The following GOLM2 variants were observed in gnomAD, a reference collection of about 807,000 sequenced individuals.
GOLM2 encodes the protein protein GOLM2.
GOLM2 carries 26 observed loss-of-function variants against 55.9 expected under a neutral mutation model. That is an observed-to-expected ratio of 0.47 (90% CI 0.34 to 0.65). The LOEUF (loss-of-function observed/expected upper bound fraction) is 0.65, where lower values mean the gene tolerates loss of function less well. GOLM2 is among the 30% of genes least tolerant of loss of function. GOLM2 has a pLI of 0.01. For missense variants in GOLM2, 486 were observed against 531.8 expected, an observed-to-expected ratio of 0.91 and a Z score of 0.85; for synonymous variants, 165 against 194.6, an observed-to-expected ratio of 0.85 and a Z score of 1.27.
chr15:44,324,209 T>C (rs2078968165), intron 2 of GOLM2, among the ~76,000 whole-genome samples: 1 of 152,208 alleles, frequency 6.6e-6, no homozygotes, highest in Non-Finnish European at 1.5e-5. Context: ...TTATTAACTG[T>C]TTATTAAATA....
chr15:44,358,801 G>C (rs2079214842), intron 6 of GOLM2, among the ~76,000 whole-genome samples: 1 of 152,116 alleles, frequency 6.6e-6, no homozygotes, highest in Admixed American at 6.6e-5. Flanking sequence ...TGACTTTTTG[G>C]ATACAACACC....
intron 6 of GOLM2, among the ~76,000 whole-genome samples, chr15:44,360,922 T>A (rs537081580): frequency 0.02 from 2,977 of 151,898 alleles, 29 homozygotes; most frequent in Non-Finnish European, 0.03. Context: ...CTCAACTACA[T>A]GGAAACTGAA....
chr15:44,402,907 G>A lies in GOLM2; in HGVS notation c.1093G>A (p.Glu365Lys), dbSNP rs898187710. 2 of 1,613,992 alleles carry A rather than the reference G, an allele frequency of 1.2e-6. No individual in the cohort carries two copies. The highest frequency in any genetic ancestry group is 3.3e-5 in the Admixed American group (2 of 59,982). Residue 365 changes from glutamate to lysine, a missense_variant, in exon 9 of 10, where the codon GAA becomes AAA. By Grantham distance (56) the Glu-to-Lys change is moderately conservative (BLOSUM62 1). Transcript: ENST00000299957. ...CACAGGCCGATTCTTTGATGAAAATGAATCCCCTGTTGATCCGCAGCATGG... is the reference window on the plus strand; with the variant it reads ...CACAGGCCGATTCTTTGATGAAAATAAATCCCCTGTTGATCCGCAGCATGG... ...LKQSRFFDENESPVDPQHGSK... is the reference protein window; with the variant it reads ...LKQSRFFDENKSPVDPQHGSK...
intron 9 of GOLM2, among the ~76,000 whole-genome samples, chr15:44,405,941 A>T (rs910575135): frequency 6.6e-6 from 1 of 152,074 alleles, no homozygotes; most frequent in Non-Finnish European, 1.5e-5. Flanking sequence ...TTCTTTAGGT[A>T]TATTATTAAC....
rs202068532 is a variant in GOLM2, at chr15:44,361,373, G to A, written c.803-18317G>A. The stretch of plus-strand genomic sequence containing the variant: ...AAATGATAAAGGGGATATCACCACC[G>A]ATCCCACAGAAATACAAACTATCAT... On this transcript the variant is annotated intron_variant, in intron 6 of 9. Transcript: ENST00000299957. 2.6e-4 allele frequency among the ~76,000 whole-genome samples: 39 copies of A among 152,136 alleles called. No homozygotes were observed. In the South Asian group the frequency reaches 7.3e-3, roughly 28 times the overall value.
At chr15:44,322,001 A>G (rs1329321468) in intron 1 of GOLM2, among the ~76,000 whole-genome samples, 1 of 152,190 alleles carries the variant, frequency 6.6e-6, no homozygotes, top group Non-Finnish European at 1.5e-5. Flanking sequence ...TCAAGGCTGC[A>G]GTGAACCGTG....
At chr15:44,379,643 A>AAAAAAT in intron 6 of GOLM2, 47 bp from the exon 7 acceptor site, 10 of 730,362 alleles carry the variant, frequency 1.4e-5, no homozygotes, top group Non-Finnish European at 1.8e-5. Flanking sequence ...TTTTTTAGAA[A>AAAAAAT]TCATAGTATC....
intron 2 of GOLM2, among the ~76,000 whole-genome samples, chr15:44,326,112 A>G (rs900477900): frequency 2.4e-4 from 37 of 151,570 alleles, no homozygotes; most frequent in Admixed American, 6.6e-4. Flanking sequence ...AAATACAAAA[A>G]TTAGCTGGGC....
intron 6 of GOLM2, among the ~76,000 whole-genome samples, chr15:44,352,282 T>G (rs1174633435): frequency 6.6e-6 from 1 of 152,198 alleles, no homozygotes; most frequent in Non-Finnish European, 1.5e-5. Flanking sequence ...TACAGTGAAC[T>G]CATTTTTGAC....
chr15:44,338,839 C>T (rs1430078283), intron 6 of GOLM2, among the ~76,000 whole-genome samples: 3 of 152,026 alleles, frequency 2.0e-5, no homozygotes, highest in Admixed American at 1.3e-4. Context: ...TTGTATGTCT[C>T]TTTCCTCCTT....
At chr15:44,378,625 G>T (rs1007279435) in intron 6 of GOLM2, among the ~76,000 whole-genome samples, 1 of 151,842 alleles carries the variant, frequency 6.6e-6, no homozygotes, top group African/African-American at 2.4e-5. Context: ...GAAAAGAAAA[G>T]AAAATTTGAG....
At chr15:44,407,223 T>A (rs1192136204) in intron 9 of GOLM2, among the ~76,000 whole-genome samples, 1 of 146,938 alleles carries the variant, frequency 6.8e-6, no homozygotes, top group Non-Finnish European at 1.5e-5. Flanking sequence ...ATATATTTAA[T>A]ATATTTATAT....
chr15:44,334,711 A>G (rs1309540061), intron 4 of GOLM2, among the ~76,000 whole-genome samples: 1 of 152,224 alleles, frequency 6.6e-6, no homozygotes, highest in Non-Finnish European at 1.5e-5. Context: ...CATAGCCCAG[A>G]GAAGACTAAG....
intron 8 of GOLM2, among the ~76,000 whole-genome samples, chr15:44,400,876 C>T (rs2079560829): frequency 6.6e-6 from 1 of 151,822 alleles, no homozygotes; most frequent in Admixed American, 6.6e-5. Flanking sequence ...CGCCTGGCCA[C>T]ACCCGCCCTT....
intron 1 of GOLM2, among the ~76,000 whole-genome samples, chr15:44,302,593 C>T (rs573536510): frequency 3.9e-5 from 6 of 151,986 alleles, no homozygotes; most frequent in African/African-American, 1.2e-4. Flanking sequence ...TAGATTCAAT[C>T]GAGCTTCCTG....
intron 6 of GOLM2, among the ~76,000 whole-genome samples, chr15:44,356,625 T>C (rs1373649283): frequency 6.6e-6 from 1 of 152,114 alleles, no homozygotes; most frequent in East Asian, 1.9e-4. Context: ...GCCGGTGAAT[T>C]CTACCAAATA....
At chr15:44,384,972 A>G (rs1463301540) in intron 8 of GOLM2, among the ~76,000 whole-genome samples, 2 of 151,338 alleles carry the variant, frequency 1.3e-5, no homozygotes, top group Non-Finnish European at 2.9e-5. Flanking sequence ...ATTTAGCATA[A>G]TTTTTCTGAA....
At chr15:44,382,920 CAAA>C (rs748415327) in intron 8 of GOLM2, among the ~76,000 whole-genome samples, 1 of 57,644 alleles carries the variant, frequency 1.7e-5, no homozygotes, top group African/African-American at 6.7e-5. Flanking sequence ...GAGACTCTGT[CAAA>C]AAAAAAAAAA....
intron 6 of GOLM2, among the ~76,000 whole-genome samples, chr15:44,362,808 G>A (rs1413877648): frequency 6.6e-6 from 1 of 152,206 alleles, no homozygotes. Flanking sequence ...CAAGGCTACA[G>A]TAACCAAAAC....
Sources: gnomAD v4.1 joint callset for allele counts (sites outside exome capture counted in the v4.1 genomes callset) on GRCh38, gnomAD v4.1.1 for gene constraint, MANE v1.5 for transcripts, NCBI Gene and HGNC (gene_info 2026-07-23, HGNC 2026-07-21) for gene names.